MSN: variants seen among roughly 807,000 people sequenced by gnomAD.
The protein encoded by MSN is moesin.
A neutral mutation model predicts 48.0 loss-of-function variants in MSN; 2 were observed. That is an observed-to-expected ratio of 0.04 (90% CI 0.02 to 0.13). The LOEUF (loss-of-function observed/expected upper bound fraction) is 0.13, where lower values mean the gene tolerates loss of function less well. MSN is among the 10% of genes least tolerant of loss of function. The pLI is 1.00. For missense variants in MSN, 267 were observed against 470.1 expected (o/e 0.57, Z 3.99); for synonymous variants, 146 against 166.9 (o/e 0.87, Z 0.97).
chrX:65,626,682 C>A (rs1345551502), intron 1 of MSN, among the ~76,000 whole-genome samples: 1 of 111,217 alleles, frequency 9.0e-6, no homozygotes, highest in African/African-American at 3.3e-5. Flanking sequence ...GAAAAACCCC[C>A]AAATCAAAAC....
chrX:65,654,134 C>T (rs1172178743), intron 1 of MSN, among the ~76,000 whole-genome samples: 6 of 70,218 alleles, frequency 8.5e-5, no homozygotes, highest in African/African-American at 2.4e-4. Context: ...GGGACAGAGT[C>T]TTCCTCTGTC....
chrX:65,689,670 C>G (rs963343366), intron 1 of MSN, among the ~76,000 whole-genome samples: 2 of 111,395 alleles, frequency 1.8e-5, no homozygotes, highest in African/African-American at 3.3e-5. Context: ...GAGCAGCTCT[C>G]TCTTGTCACC....
At chrX:65,615,847 T>C (rs2070366275) in intron 1 of MSN, among the ~76,000 whole-genome samples, 1 of 111,410 alleles carries the variant, frequency 9.0e-6, no homozygotes. Context: ...AGGTCTAACG[T>C]TTAAGTCTTT....
At chrX:65,678,539 C>T (rs1054254177) in intron 1 of MSN, among the ~76,000 whole-genome samples, 12 of 111,372 alleles carry the variant, frequency 1.1e-4, no homozygotes, top group African/African-American at 3.9e-4. Context: ...CAGGTAAAGC[C>T]TTCCAGTTGG....
intron 1 of MSN, among the ~76,000 whole-genome samples, chrX:65,637,983 C>A (rs1031625318): frequency 1.8e-5 from 2 of 112,172 alleles, no homozygotes; most frequent in African/African-American, 3.2e-5. Context: ...CGTCTTCCCC[C>A]ACTAGAATGT....
At chrX:65,653,194 A>G (rs2070754646) in intron 1 of MSN, among the ~76,000 whole-genome samples, 1 of 110,958 alleles carries the variant, frequency 9.0e-6, no homozygotes, top group Non-Finnish European at 1.9e-5. Context: ...CTGTGGCATT[A>G]TTTTGCCAAC....
intron 1 of MSN, among the ~76,000 whole-genome samples, chrX:65,694,685 A>G (rs1195119640): frequency 8.9e-6 from 1 of 112,213 alleles, no homozygotes; most frequent in Non-Finnish European, 1.9e-5. Flanking sequence ...CAGTGATGCC[A>G]ATGACTGGCC....
At chrX:65,637,339 T>C (rs1317570214) in intron 1 of MSN, among the ~76,000 whole-genome samples, 1 of 106,692 alleles carries the variant, frequency 9.4e-6, no homozygotes. Flanking sequence ...GAAGTGGAGG[T>C]TGCGGTGAGC....
At chrX:65,598,538 C>T (rs2070205345) in intron 1 of MSN, among the ~76,000 whole-genome samples, 1 of 111,500 alleles carries the variant, frequency 9.0e-6, no homozygotes. Flanking sequence ...GCATAAAATC[C>T]TACGTCTTGA....
chrX:65,670,898 A>T (rs1178009114), intron 1 of MSN, among the ~76,000 whole-genome samples: 156 of 588 alleles, frequency 0.27, 1 homozygote, highest in African/African-American at 0.43. Flanking sequence ...GATGACAGTT[A>T]TATATATATA....
intron 1 of MSN, among the ~76,000 whole-genome samples, chrX:65,612,867 G>A (rs73629460): frequency 1.9e-5 from 2 of 103,299 alleles, no homozygotes; most frequent in Non-Finnish European, 4.0e-5. Flanking sequence ...TTTTTTTTTG[G>A]GGGGGGGTAC....
At chrX:65,667,571 G>A, upstream of MSN, 1 of 843,274 alleles carries the variant, frequency 1.2e-6, no homozygotes, top group Non-Finnish European at 1.5e-6. Context: ...GGCAAGGCCA[G>A]CGGTCGGCGG....
At chrX:65,728,046 A>T in intron 3 of MSN, 137 bp downstream of exon 3, 1 of 510,124 alleles carries the variant, frequency 2.0e-6, no homozygotes, top group Non-Finnish European at 3.2e-6. Context: ...GACCACTTGG[A>T]TCAGAATAAG....
At chrX:65,639,804 G>A (rs1253035752) in intron 1 of MSN, among the ~76,000 whole-genome samples, 1 of 112,011 alleles carries the variant, frequency 8.9e-6, no homozygotes. Flanking sequence ...TTTCATGAGA[G>A]GTAGCTGAAG....
chrX:65,614,603 T>C (rs1273694843), intron 1 of MSN, among the ~76,000 whole-genome samples: 1 of 109,247 alleles, frequency 9.2e-6, no homozygotes, highest in Non-Finnish European at 1.9e-5. Context: ...GTAAGTTGTA[T>C]TCCTAGGTAT....
At chrX:65,626,233 C>T (rs1351539311) in intron 1 of MSN, among the ~76,000 whole-genome samples, 4 of 112,011 alleles carry the variant, frequency 3.6e-5, no homozygotes, top group African/African-American at 9.7e-5. Flanking sequence ...GGATTACAGG[C>T]GTGAGCCACC....
At chrX:65,712,272 T>G (rs1468964284) in intron 1 of MSN, among the ~76,000 whole-genome samples, 1 of 111,498 alleles carries the variant, frequency 9.0e-6, no homozygotes, top group Non-Finnish European at 1.9e-5. Context: ...AATCCTAAAA[T>G]AGATTTCCTC....
At chrX:65,659,698 C>T (rs2148378811) in intron 1 of MSN, among the ~76,000 whole-genome samples, 1 of 111,591 alleles carries the variant, frequency 9.0e-6, no homozygotes, top group South Asian at 3.7e-4. Flanking sequence ...CTCATATTGG[C>T]CCTCATTAGC....
chrX:65,685,569 T>C (rs1228607801), intron 1 of MSN, among the ~76,000 whole-genome samples: 2 of 112,156 alleles, frequency 1.8e-5, no homozygotes, highest in Non-Finnish European at 3.8e-5. Context: ...CAGAACTTGT[T>C]AACATTAGCA....
Sources: allele counts gnomAD v4.1 joint callset (sites outside exome capture counted in the v4.1 genomes callset), GRCh38; gene constraint gnomAD v4.1.1; transcripts MANE v1.5; gene names NCBI Gene and HGNC (gene_info 2026-07-23, HGNC 2026-07-21).